Variants in PDK1 observed in about 807,000 individuals in gnomAD.
PDK1 encodes the protein pyruvate dehydrogenase kinase 1, also known as [Pyruvate dehydrogenase (acetyl-transferring)] kinase isozyme 1, mitochondrial.
PDK1 carries 39 observed loss-of-function variants against 54.2 expected under a neutral mutation model. The observed-to-expected ratio is 0.72, with a 90% CI of 0.56 to 0.94. The LOEUF is 0.94. Ranked by LOEUF, PDK1 falls within the 40% of genes least tolerant of loss-of-function variation. The pLI is 0.00. For synonymous variants in PDK1, 221 were observed against 207.1 expected, an observed-to-expected ratio of 1.07 and a Z score of -0.58; for missense variants, 552 against 566.0, an observed-to-expected ratio of 0.98 and a Z score of 0.25.
chr2:172,654,735 T>G, the PDK1 span, among the ~76,000 whole-genome samples: 45 of 152,260 alleles, frequency 3.0e-4, no homozygotes, highest in Admixed American at 6.5e-4. Context: ...GTTGTGCACA[T>G]GTACCCTAGA....
the PDK1 span, among the ~76,000 whole-genome samples, chr2:172,703,766 CT>C: frequency 0.027 from 2,429 of 89,014 alleles, 14 homozygotes; most frequent in Non-Finnish European, 0.036. Context: ...TTCTTTCTTT[CT>C]TTTTTTTTTT....
the PDK1 span, among the ~76,000 whole-genome samples, chr2:172,664,529 TA>T: frequency 6.6e-6 from 1 of 152,162 alleles, no homozygotes; most frequent in Non-Finnish European, 1.5e-5. Context: ...TTTTTCCCAT[TA>T]CTCAGTGATC....
At position 172,565,020 on chromosome 2, in the gene PDK1, G is replaced by A. The variant is rs758355812; in HGVS notation, c.638G>A (p.Arg213Gln). The A allele has an allele frequency of 8.7e-6, 14 of 1,612,754 alleles. No individual in the cohort carries two copies. Among genetic ancestry groups the A allele is most frequent in the African/African-American group, 2.7e-5 (2 of 74,856 alleles). The change falls in exon 5 of 11, where the codon CGA becomes CAA. Residue 213 changes from arginine to glutamine, a missense_variant. Physicochemically the swap from Arg to Gln is conservative, Grantham distance 43 (BLOSUM62 1). Transcript: ENST00000282077. ...GGKGKGSPSH[R>Q]KHIGSINPNC... ...AAAGGCAAAGGAAGTCCATCTCATC[G>A]AAAACACATTGGAAGCATAAATCCA...
chr2:172,663,991 G>A, the PDK1 span, among the ~76,000 whole-genome samples: 2 of 139,906 alleles, frequency 1.4e-5, no homozygotes, highest in Non-Finnish European at 3.0e-5. Context: ...TTAACCTCTC[G>A]TAGGAATGAG....
the PDK1 span, among the ~76,000 whole-genome samples, chr2:172,703,829 G>A: frequency 2.3e-5 from 3 of 130,888 alleles, no homozygotes; most frequent in Admixed American, 9.2e-5. Context: ...CTGGCATGCA[G>A]TTGTGCGATC....
the PDK1 span, among the ~76,000 whole-genome samples, chr2:172,622,494 T>G: frequency 6.4e-4 from 82 of 128,930 alleles, no homozygotes; most frequent in Non-Finnish European, 1.0e-3. Context: ...TATGTTTATA[T>G]CTCATATATT....
At chr2:172,636,144 CAT>C in the PDK1 span, among the ~76,000 whole-genome samples, 1 of 152,200 alleles carries the variant, frequency 6.6e-6, no homozygotes, top group Non-Finnish European at 1.5e-5. Flanking sequence ...ACAAATGAGA[CAT>C]ATCTACAGAA....
the PDK1 span, among the ~76,000 whole-genome samples, chr2:172,642,808 C>CCTCCTA: frequency 9.0e-5 from 13 of 144,784 alleles, no homozygotes; most frequent in African/African-American, 3.2e-4. Flanking sequence ...TCCTCCTCCT[C>CCTCCTA]CTTCTTCTTC....
the PDK1 span, among the ~76,000 whole-genome samples, chr2:172,646,735 CTTTT>C: frequency 2.8e-5 from 2 of 72,060 alleles, no homozygotes; most frequent in African/African-American, 1.0e-4. Context: ...CTTGCATTTC[CTTTT>C]TTTTTTTTTT....
chr2:172,679,001 A>G, the PDK1 span: 1 of 152,212 alleles, frequency 6.6e-6, no homozygotes, highest in African/African-American at 2.4e-5. Context: ...ACTCTGTCGC[A>G]GAGATTTCTT....
chr2:172,708,681 G>A, the PDK1 span, among the ~76,000 whole-genome samples: 3 of 152,070 alleles, frequency 2.0e-5, no homozygotes, highest in Admixed American at 2.0e-4. Context: ...TTTTGATTTC[G>A]AAGTATTTGT....
chr2:172,634,572 C>T, the PDK1 span, among the ~76,000 whole-genome samples: 2 of 151,904 alleles, frequency 1.3e-5, no homozygotes, highest in Admixed American at 6.6e-5. Context: ...CATTTCCAGC[C>T]GTAATCTACT....
At chr2:172,671,360 T>G in the PDK1 span, among the ~76,000 whole-genome samples, 10,262 of 151,240 alleles carry the variant, frequency 0.068, 407 homozygotes, top group Middle Eastern at 0.11. Flanking sequence ...GATAATTATA[T>G]GAATAAATAA....
chr2:172,601,994 A>G lies in PDK1; in HGVS notation c.*6025A>G, dbSNP rs1005166383. On this transcript the variant is annotated 3_prime_UTR_variant, in exon 11 of 11. Coordinates refer to ENST00000282077, the MANE Select transcript of PDK1 (RefSeq NM_002610.5). ...TCCATCTAAGATTTTGACAATTTAA[A>G]TCAACCACTAAGGAAGTGGAATCAG... 3 of 152,224 alleles carry G rather than the reference A, an allele frequency of 2.0e-5. No homozygotes were observed. The highest frequency in any genetic ancestry group is 1.3e-4 in the Admixed American group (2 of 15,274). 9.4% of individuals were successfully genotyped at this position (152,224 alleles called of 1,614,324 possible).
chr2:172,660,840 T>C, the PDK1 span, among the ~76,000 whole-genome samples: 11 of 152,136 alleles, frequency 7.2e-5, no homozygotes, highest in Admixed American at 3.9e-4. Context: ...AGGTGCAGGG[T>C]CTCTGCCCTG....
chr2:172,595,755 C>A, intron 10 of PDK1, 74 bp from the exon 11 acceptor site: 1 of 1,247,650 alleles, frequency 8.0e-7, no homozygotes, highest in Non-Finnish European at 1.2e-6. Flanking sequence ...AACCTTTTTG[C>A]CATTGTCTAT....
the PDK1 span, among the ~76,000 whole-genome samples, chr2:172,623,769 G>GA: frequency 3.7e-3 from 564 of 150,630 alleles, 3 homozygotes; most frequent in Non-Finnish European, 6.2e-3. Flanking sequence ...ATACAGATAT[G>GA]AAAAAAAAAT....
chr2:172,595,796 AG>A (rs770943356), intron 10 of PDK1, 32 bp from the exon 11 acceptor site: 172 of 1,579,950 alleles, frequency 1.1e-4, no homozygotes, highest in Non-Finnish European at 1.4e-4. Flanking sequence ...AAAAAATGCC[AG>A]ACTTAATAGG....
chr2:172,651,207 C>A, the PDK1 span, among the ~76,000 whole-genome samples: 1 of 152,140 alleles, frequency 6.6e-6, no homozygotes, highest in Admixed American at 6.6e-5. Context: ...AACTGAACAA[C>A]CTGCTCCTGA....
Sources: allele counts gnomAD v4.1 joint callset (sites outside exome capture counted in the v4.1 genomes callset), GRCh38; gene constraint gnomAD v4.1.1; transcripts MANE v1.5; gene names NCBI Gene and HGNC (gene_info 2026-07-23, HGNC 2026-07-21).